The following FBXO38 variants were observed in gnomAD, a reference collection of about 807,000 sequenced individuals.
FBXO38 encodes F-box protein 38.
FBXO38 carries 53 observed loss-of-function variants against 131.9 expected under a neutral mutation model. That is an observed-to-expected ratio of 0.40 (90% CI 0.32 to 0.51). The LOEUF (loss-of-function observed/expected upper bound fraction) is 0.51, where lower values mean the gene tolerates loss of function less well. Among genes scored for constraint, FBXO38 ranks in the 20% least tolerant of loss-of-function variants. FBXO38 has a pLI of 0.53. For synonymous variants in FBXO38, 452 were observed against 505.6 expected (o/e 0.89, Z 1.42); for missense variants, 1,076 against 1,475.6 (o/e 0.73, Z 4.44).
At chr5:148,440,346 T>C in intron 19 of FBXO38, 78 bp from the exon 20 acceptor site, 1 of 865,890 alleles carries the variant, frequency 1.2e-6, no homozygotes, top group Non-Finnish European at 1.9e-6. Flanking sequence ...TCCGAAACAG[T>C]TTTGATGGTT....
At chr5:148,388,477 C>A (rs1758032323) in intron 1 of FBXO38, among the ~76,000 whole-genome samples, 1 of 152,210 alleles carries the variant, frequency 6.6e-6, no homozygotes, top group South Asian at 2.1e-4. Flanking sequence ...TACTGAAAAT[C>A]TGTTGTGTAG....
rs1276006062 is a variant in FBXO38, at chr5:148,414,144, G to A, written c.1102G>A (p.Ala368Thr). ...VDEFLLQSRM[A>T]NADLVKYGLA... ...TTGATTGCTCTTTTTAGGCAGAATG[G>A]CTAATGCGGATCTGGTGAAGTATGG... The change falls in exon 10 of 22, where the codon GCT (alanine) becomes ACT (threonine). Residue 368 changes from alanine (A) to threonine (T), a missense_variant. Ala to Thr is a moderately conservative substitution (Grantham distance 58). Coordinates refer to ENST00000340253, the MANE Select transcript of FBXO38 (RefSeq NM_205836.3). The A allele has an allele frequency of 2.5e-6, 4 of 1,601,612 alleles. No homozygotes were observed. Among genetic ancestry groups the A allele is most frequent in the Non-Finnish European group, 3.4e-6 (4 of 1,176,204 alleles).
chr5:148,403,751 C>T (rs1752291539), intron 5 of FBXO38, among the ~76,000 whole-genome samples: 1 of 152,166 alleles, frequency 6.6e-6, no homozygotes, highest in African/African-American at 2.4e-5. Flanking sequence ...TTATAAACAA[C>T]TGACCATTCA....
intron 1 of FBXO38, among the ~76,000 whole-genome samples, chr5:148,385,477 C>T (rs1757862863): frequency 6.6e-6 from 1 of 152,198 alleles, no homozygotes; most frequent in South Asian, 2.1e-4. Flanking sequence ...ACCTGTATCC[C>T]TGCTTCACAC....
intron 13 of FBXO38, among the ~76,000 whole-genome samples, chr5:148,425,226 T>A (rs1282587036): frequency 6.6e-6 from 1 of 152,210 alleles, no homozygotes; most frequent in Non-Finnish European, 1.5e-5. Context: ...ATGATACTCT[T>A]TGAAATAGTG....
chr5:148,408,720 A>G (rs1231228757), intron 7 of FBXO38, among the ~76,000 whole-genome samples: 13 of 152,218 alleles, frequency 8.5e-5, no homozygotes, highest in Admixed American at 6.5e-5. Context: ...GTAGGTAAAT[A>G]CAAGTTTCAG....
intron 10 of FBXO38, among the ~76,000 whole-genome samples, chr5:148,414,822 T>C (rs1752960464): frequency 6.6e-6 from 1 of 152,186 alleles, no homozygotes; most frequent in Non-Finnish European, 1.5e-5. Flanking sequence ...TATTTTTCCC[T>C]TATGGTGGGA....
chr5:148,442,688 A>C lies in FBXO38; in HGVS notation c.*541A>C, dbSNP rs2113674768. 1 of 152,306 alleles carries C rather than the reference A, an allele frequency of 6.6e-6. No individual in the cohort carries two copies. The highest frequency in any genetic ancestry group is 1.9e-4 in the East Asian group (1 of 5,176). 9.4% of individuals were successfully genotyped at this position (152,306 alleles called of 1,614,324 possible). On this transcript the variant is annotated 3_prime_UTR_variant, in exon 22 of 22. Coordinates refer to ENST00000340253, the MANE Select transcript of FBXO38 (RefSeq NM_205836.3). ...GTATTATAGTTGCCATGTTTCTTAA[A>C]ATCAAGTAAAAAGACTTATGAGCTT... is the stretch of plus-strand genomic sequence containing the variant.
At chr5:148,400,227 AG>A (rs2113525963) in intron 3 of FBXO38, among the ~76,000 whole-genome samples, 1 of 152,266 alleles carries the variant, frequency 6.6e-6, no homozygotes, top group East Asian at 1.9e-4. Flanking sequence ...TAAGGGCAAA[AG>A]CCTCATCTCA....
chr5:148,420,189 C>A (rs1247529787), intron 12 of FBXO38, among the ~76,000 whole-genome samples: 1 of 149,048 alleles, frequency 6.7e-6, no homozygotes. Flanking sequence ...GTGGCATGAT[C>A]ATAGCTCACT....
intron 1 of FBXO38, among the ~76,000 whole-genome samples, chr5:148,393,188 GGTGTGTGTGTGTGTGTGT>G (rs60593654): frequency 4.8e-4 from 61 of 127,082 alleles, no homozygotes; most frequent in African/African-American, 1.6e-3. Context: ...ACAGAAGAGG[GGTGTGTGTGTGTGTGTGT>G]GTGTGTGTGT....
chr5:148,412,715 A>C (rs553131028), intron 9 of FBXO38, among the ~76,000 whole-genome samples: 6 of 152,056 alleles, frequency 3.9e-5, no homozygotes, highest in African/African-American at 1.4e-4. Flanking sequence ...GTTAATTCTC[A>C]TTTTTTAAAT....
chr5:148,420,681 A>C lies in FBXO38; in HGVS notation c.1619-3317A>C, dbSNP rs919948369. Among the ~76,000 whole-genome samples, 7 of 152,148 alleles carry C rather than the reference A, an allele frequency of 4.6e-5. No homozygotes were observed. The South Asian group carries it at 1.0e-3, about 23-fold the overall frequency. On this transcript the variant is annotated intron_variant, in intron 12 of 21. Coordinates refer to ENST00000340253, the MANE Select transcript of FBXO38 (RefSeq NM_205836.3). ...CCCCATTAGCCTGAATTAACTACCAAGTGAAATTGCTCTGCAGCTTTATTT... is the reference window on the plus strand; with the variant it reads ...CCCCATTAGCCTGAATTAACTACCACGTGAAATTGCTCTGCAGCTTTATTT...
intron 6 of FBXO38, among the ~76,000 whole-genome samples, chr5:148,405,446 T>C (rs4705254): frequency 0.15 from 22,556 of 152,098 alleles, 3,721 homozygotes; most frequent in African/African-American, 0.39. Context: ...TGTGGCCCAG[T>C]GATGTCAAAA....
rs968981839 is a variant in FBXO38, at chr5:148,394,695, C to A, written c.-63-19C>A. 4 of 1,352,668 alleles carry A rather than the reference C, an allele frequency of 3.0e-6. No homozygotes were observed. The highest frequency in any genetic ancestry group is 2.9e-6 in the Non-Finnish European group (3 of 1,030,430). 83.8% of individuals were successfully genotyped at this position (1,352,668 alleles called of 1,614,324 possible). ...GGGGGTGTGTTTTTTTAGTCTACTTCGTTCTGTTTGCTTTTCAGGTACTTT... is the reference window on the plus strand; with the variant it reads ...GGGGGTGTGTTTTTTTAGTCTACTTAGTTCTGTTTGCTTTTCAGGTACTTT... On this transcript the variant is annotated intron_variant, in intron 1 of 21. Transcript: ENST00000340253.
Position 148,404,839 on chromosome 5 carries a change from A to G in FBXO38, c.730+17A>G. ...ACTGTGCAGGTAATGGTACACAATT[A>G]TGGTGGAATTAAACATAAGTTATTC... On this transcript the variant is annotated intron_variant, in intron 6 of 21. Coordinates refer to ENST00000340253, the MANE Select transcript of FBXO38 (RefSeq NM_205836.3). 2.5e-6 allele frequency: 4 copies of G among 1,577,854 alleles called. No individual in the cohort carries two copies. Among genetic ancestry groups the G allele is most frequent in the Non-Finnish European group, 2.6e-6 (3 of 1,169,000 alleles).
chr5:148,398,649 C>T (rs1287424696), intron 2 of FBXO38, among the ~76,000 whole-genome samples: 1 of 151,302 alleles, frequency 6.6e-6, no homozygotes, highest in East Asian at 1.9e-4. Context: ...TCTCAGGTTC[C>T]TTTCTCATCA....
chr5:148,417,278 T>C, intron 12 of FBXO38, 74 bp downstream of exon 12: 1 of 1,059,896 alleles, frequency 9.4e-7, no homozygotes, highest in Non-Finnish European at 1.4e-6. Context: ...TTTATCCTGT[T>C]CCCTTTTTCC....
rs373875135 is a variant in FBXO38 at position 148,439,741 on chromosome 5, G to A, written c.3119G>A (p.Arg1040Gln). The change falls in exon 19 of 22, where the codon CGG becomes CAG. Residue 1040 changes from arginine to glutamine, a missense_variant. By Grantham distance (43) the Arg-to-Gln change is conservative. Around this residue, in one of 8 missense-constraint regions of FBXO38, gnomAD observed 282 missense variants for 418.8 expected, o/e 0.67. Coordinates refer to ENST00000340253, the MANE Select transcript of FBXO38 (RefSeq NM_205836.3). ...IHEFSNPPNV[R>Q]NKVRIRSWMD... ...GAATTCAGTAACCCTCCCAATGTCCGGAATAAGGTGCGCATTCGCAGCTGG... is the reference window on the plus strand; with the variant it reads ...GAATTCAGTAACCCTCCCAATGTCCAGAATAAGGTGCGCATTCGCAGCTGG... 5.6e-6 allele frequency: 9 copies of A among 1,613,890 alleles called. No individual in the cohort carries two copies. The highest frequency in any genetic ancestry group is 1.1e-5 in the South Asian group (1 of 91,080).
Sources: gnomAD v4.1 joint callset for allele counts (sites outside exome capture counted in the v4.1 genomes callset) on GRCh38, gnomAD v4.1.1 for gene constraint, gnomAD v4.1.1 regional missense constraint, MANE v1.5 for transcripts, NCBI Gene and HGNC (gene_info 2026-07-23, HGNC 2026-07-21) for gene names.